Variants in PCDH15 observed in about 807,000 individuals in gnomAD.
The protein encoded by PCDH15 is protocadherin-15.
PCDH15 carries 129 observed loss-of-function variants against 178.5 expected under a neutral mutation model. That is an observed-to-expected ratio of 0.72 (90% CI 0.63 to 0.84). The LOEUF (loss-of-function observed/expected upper bound fraction) is 0.84, where lower values mean the gene tolerates loss of function less well. PCDH15 is among the 40% of genes least tolerant of loss of function. The pLI, the probability that PCDH15 is intolerant of heterozygous loss-of-function variation, is 0.00. For missense variants in PCDH15, 2,230 were observed against 2,099.9 expected (o/e 1.06, Z -1.21); for synonymous variants, 800 against 732.0 (o/e 1.09, Z -1.50).
At chr10:54,479,389 A>G (rs115251383) in intron 3 of PCDH15, among the ~76,000 whole-genome samples, 4 of 151,988 alleles carry the variant, frequency 2.6e-5, no homozygotes, top group African/African-American at 9.7e-5. Context: ...TGTGTGTGTA[A>G]CATATTGAAT....
intron 2 of PCDH15, among the ~76,000 whole-genome samples, chr10:55,436,828 A>T (rs1467344113): frequency 2.0e-5 from 3 of 152,200 alleles, no homozygotes; most frequent in Non-Finnish European, 2.9e-5. Context: ...TATAAGTGGG[A>T]GCATTTACTG....
At chr10:54,323,709 G>A (rs2061750923) in intron 7 of PCDH15, among the ~76,000 whole-genome samples, 1 of 152,036 alleles carries the variant, frequency 6.6e-6, no homozygotes, top group African/African-American at 2.4e-5. Context: ...ACTGTGAACT[G>A]CTGGGGCAAG....
intron 2 of PCDH15, among the ~76,000 whole-genome samples, chr10:55,495,629 A>T (rs1027712884): frequency 6.6e-6 from 1 of 151,854 alleles, no homozygotes; most frequent in Admixed American, 6.6e-5. Context: ...TAGAATATTC[A>T]TGCCTTATTG....
At chr10:55,213,052 G>A (rs2247977) in intron 1 of PCDH15, among the ~76,000 whole-genome samples, 143,026 of 152,102 alleles carry the variant, frequency 0.94, 67,274 homozygotes, top group Admixed American at 0.95. Context: ...CAAACACATA[G>A]GCATATAAAG....
intron 2 of PCDH15, among the ~76,000 whole-genome samples, chr10:55,623,737 G>A (rs1837461353): frequency 6.6e-6 from 1 of 150,430 alleles, no homozygotes; most frequent in Non-Finnish European, 1.5e-5. Flanking sequence ...CCTCTTGGGG[G>A]ATTATTTTGA....
rs752773326 is a variant in PCDH15, at chr10:54,132,909, G to T, written c.1883C>A (p.Ala628Asp). The change falls in exon 15 of 38, where the codon GCC becomes GAC. Residue 628 changes from alanine to aspartate, a missense_variant. By Grantham distance (126) the Ala-to-Asp change is moderately radical. Transcript: ENST00000644397. Reference sequence around the variant, plus strand: ...TAATAAAACAGCACCAACCCTCATGGCTTCACTAATTTCAAGGCTATACAT... The same window carrying T: ...TAATAAAACAGCACCAACCCTCATGTCTTCACTAATTTCAAGGCTATACAT... Reference protein sequence around the residue: ...QLMYSLEISEAMRVGAVLLNL... With the variant: ...QLMYSLEISEDMRVGAVLLNL... 2.8e-5 allele frequency: 45 copies of T among 1,613,720 alleles called. No individual in the cohort carries two copies. The South Asian group carries it at 4.8e-4, about 17-fold the overall frequency.
intron 30 of PCDH15, among the ~76,000 whole-genome samples, chr10:53,828,863 C>G (rs1008581550): frequency 7.9e-5 from 12 of 152,054 alleles, no homozygotes; most frequent in African/African-American, 2.9e-4. Flanking sequence ...AGAATTTCAA[C>G]TCTAGTGGAA....
intron 4 of PCDH15, among the ~76,000 whole-genome samples, chr10:54,376,919 T>C (rs887017543): frequency 5.3e-5 from 8 of 152,038 alleles, no homozygotes; most frequent in African/African-American, 1.9e-4. Flanking sequence ...ATTTTTGTAA[T>C]TCTTAAAAAC....
At chr10:54,661,125 C>T (rs950615559) in intron 2 of PCDH15, among the ~76,000 whole-genome samples, 1 of 151,972 alleles carries the variant, frequency 6.6e-6, no homozygotes, top group Admixed American at 6.6e-5. Flanking sequence ...TTGCTAATGA[C>T]AATCTTACAC....
chr10:55,173,309 A>ATGTGTGTGTG (rs775260037), intron 1 of PCDH15, among the ~76,000 whole-genome samples: 15,066 of 132,698 alleles, frequency 0.11, 1,031 homozygotes, highest in East Asian at 0.35. Context: ...TAGAAAGATT[A>ATGTGTGTGTG]TGTGTGTGTG....
At chr10:55,574,505 T>C (rs1025101736) in intron 2 of PCDH15, among the ~76,000 whole-genome samples, 1 of 152,058 alleles carries the variant, frequency 6.6e-6, no homozygotes, top group Admixed American at 6.6e-5. Context: ...CCTCCTGCTA[T>C]TGGCAACATG....
intron 2 of PCDH15, among the ~76,000 whole-genome samples, chr10:55,130,289 A>G (rs1211073539): frequency 6.6e-6 from 1 of 152,162 alleles, no homozygotes; most frequent in African/African-American, 2.4e-5. Flanking sequence ...TGAAGGAGCT[A>G]GTCATGCTTG....
intron 2 of PCDH15, among the ~76,000 whole-genome samples, chr10:55,558,019 A>T (rs910120897): frequency 1.3e-5 from 2 of 152,122 alleles, no homozygotes; most frequent in African/African-American, 4.8e-5. Context: ...AGAGGGCACT[A>T]GACAACCAAG....
At chr10:54,377,296 G>A (rs898171552) in intron 4 of PCDH15, among the ~76,000 whole-genome samples, 1 of 151,924 alleles carries the variant, frequency 6.6e-6, no homozygotes, top group Non-Finnish European at 1.5e-5. Flanking sequence ...AATTAAATGA[G>A]ACTGTAATTT....
intron 9 of PCDH15, among the ~76,000 whole-genome samples, chr10:54,226,171 C>T (rs757568120): frequency 2.0e-5 from 3 of 152,186 alleles, no homozygotes; most frequent in African/African-American, 4.8e-5. Flanking sequence ...ATTGGACTTA[C>T]AGTTCCACGT....
chr10:54,768,436 G>T (rs959460970), intron 1 of PCDH15, among the ~76,000 whole-genome samples: 4 of 151,964 alleles, frequency 2.6e-5, no homozygotes, highest in African/African-American at 9.7e-5. Context: ...AAGTAAACTT[G>T]CTAACATTGA....
chr10:53,988,053 T>C (rs938028764), intron 21 of PCDH15, among the ~76,000 whole-genome samples: 1 of 152,200 alleles, frequency 6.6e-6, no homozygotes, highest in Admixed American at 6.5e-5. Context: ...AAGCTCTTAG[T>C]CTGATATTTT....
At chr10:54,978,767 G>A (rs1839142475) in intron 2 of PCDH15, among the ~76,000 whole-genome samples, 1 of 151,932 alleles carries the variant, frequency 6.6e-6, no homozygotes, top group South Asian at 2.1e-4. Flanking sequence ...CAACATTCCT[G>A]TTACTTTGTT....
chr10:55,272,731 AG>A (rs2132248537), intron 1 of PCDH15, among the ~76,000 whole-genome samples: 1 of 152,226 alleles, frequency 6.6e-6, no homozygotes, highest in Admixed American at 6.5e-5. Context: ...AAGAATTAGA[AG>A]GCAAGATGAG....
Sources: allele counts gnomAD v4.1 joint callset (sites outside exome capture counted in the v4.1 genomes callset), GRCh38; gene constraint gnomAD v4.1.1; transcripts MANE v1.5; gene names NCBI Gene and HGNC (gene_info 2026-07-23, HGNC 2026-07-21).